The following KIRREL3 variants were observed in gnomAD, a reference collection of about 807,000 sequenced individuals.
KIRREL3 encodes kin of IRRE-like protein 3.
Under a neutral mutation model 89.7 loss-of-function variants are expected in KIRREL3, and 36 were observed. That is an observed-to-expected ratio of 0.40 (90% CI 0.31 to 0.53). The LOEUF (loss-of-function observed/expected upper bound fraction) is 0.53. KIRREL3 is among the 20% of genes least tolerant of loss of function. KIRREL3 has a pLI of 0.49. For synonymous variants in KIRREL3, 445 were observed against 441.4 expected (o/e 1.01, Z -0.10); for missense variants, 864 against 1,056.6 (o/e 0.82, Z 2.53).
At chr11:126,518,575 C>T (rs1394683295) in intron 4 of KIRREL3, among the ~76,000 whole-genome samples, 1 of 152,270 alleles carries the variant, frequency 6.6e-6, no homozygotes, top group Non-Finnish European at 1.5e-5. Flanking sequence ...ATTCCTGGAA[C>T]ACAGGGAAGG....
In KIRREL3 at chr11:126,703,915, C is replaced by G. The variant is rs1591989368; in HGVS notation, c.56-141003G>C. Among the ~76,000 whole-genome samples, 2 of 148,944 alleles carry G rather than the reference C, an allele frequency of 1.3e-5. No homozygotes were observed. The highest frequency in any genetic ancestry group is 2.2e-4 in the South Asian group (1 of 4,524). ...CGGTTATGCTGGGGACATCTACATA[C>G]CTTGCATTCCTCCCCTTTCACAGAA... is the stretch of plus-strand genomic sequence containing the variant. On this transcript the variant is annotated intron_variant, in intron 1 of 16. Coordinates refer to ENST00000525144, the MANE Select transcript of KIRREL3 (RefSeq NM_032531.4). The surrounding 1 kb of genome is among the most constrained non-coding windows in gnomAD (Gnocchi z 4.6).
At chr11:126,546,758 T>A (rs1407823204) in intron 2 of KIRREL3, among the ~76,000 whole-genome samples, 2 of 152,210 alleles carry the variant, frequency 1.3e-5, no homozygotes, top group Non-Finnish European at 2.9e-5. Flanking sequence ...TCTCTGATAA[T>A]AAAGCCTTGC....
At chr11:126,681,752 T>G in intron 1 of KIRREL3, 1 of 373,280 alleles carries the variant, frequency 2.7e-6, no homozygotes, top group Non-Finnish European at 5.3e-6. Flanking sequence ...TCTCTTAGTG[T>G]TAACTCCACT....
At chr11:126,543,177 A>G (rs141868632) in intron 2 of KIRREL3, among the ~76,000 whole-genome samples, 1 of 152,312 alleles carries the variant, frequency 6.6e-6, no homozygotes, top group African/African-American at 2.4e-5. Context: ...TCAATCAAAG[A>G]GAACGAAGCA....
Position 126,520,355 on chromosome 11 carries a change from T to G in KIRREL3, c.433+960A>C, listed in dbSNP as rs1892930. On this transcript the variant is annotated intron_variant, in intron 4 of 16. Transcript: ENST00000525144. The surrounding 1 kb of genome is among the most constrained non-coding windows in gnomAD (Gnocchi z 4.9). ...TAAGGGGGCAGCGAGGTGGGGCAGGTAGCCCTGGAGCCCTGGCCAGGAGCC... is the reference window on the plus strand; with the variant it reads ...TAAGGGGGCAGCGAGGTGGGGCAGGGAGCCCTGGAGCCCTGGCCAGGAGCC... Among the ~76,000 whole-genome samples, 41,285 of 152,058 alleles carry G rather than the reference T, an allele frequency of 0.27. 6,715 individuals carry two copies. The highest frequency in any genetic ancestry group is 0.45 in the African/African-American group (18,519 of 41,458).
chr11:126,923,098 T>TCTTCTCCTTCTC lies in KIRREL3; in HGVS notation c.55+77345_55+77356dup, dbSNP rs201230668. ...CTTGCCTTGTGGATCTTCTTCTTCT[T>TCTTCTCCTTCTC]CTTCTCCTTCTCCTTCTCCTTCTCC... On this transcript the variant is annotated intron_variant, in intron 1 of 16. Transcript: ENST00000525144. Among the ~76,000 whole-genome samples, 391 of 89,124 alleles carry TCTTCTCCTTCTC rather than the reference T, an allele frequency of 4.4e-3. 49 individuals are homozygous for TCTTCTCCTTCTC. Among genetic ancestry groups the TCTTCTCCTTCTC allele is most frequent in the Non-Finnish European group, 6.1e-3 (263 of 43,048 alleles). The allele number at this position is 89,124 out of a possible 152,430, so 58.5% of individuals were successfully genotyped here. A position where few individuals can be genotyped will look rare whatever the true frequency, so the allele number is the denominator to read the frequency against.
chr11:126,603,930 A>G (rs1942774883), intron 1 of KIRREL3, among the ~76,000 whole-genome samples: 1 of 152,278 alleles, frequency 6.6e-6, no homozygotes, highest in Non-Finnish European at 1.5e-5. Context: ...GGAGATCAAC[A>G]TCATGGTCCC....
In KIRREL3 at chr11:126,795,804, C is replaced by A. The variant is rs1161459946; in HGVS notation, c.55+204651G>T. Among the ~76,000 whole-genome samples, 2 of 152,116 alleles carry A rather than the reference C, an allele frequency of 1.3e-5. No homozygotes were observed. The highest frequency in any genetic ancestry group is 4.8e-5 in the African/African-American group (2 of 41,436). ...AGAGCCACTTCAACCACCAGTTCTT[C>A]TTCCCCCTGTGCACCCCAAGAGCGT... On this transcript the variant is annotated intron_variant, in intron 1 of 16. Transcript: ENST00000525144. This position sits in a 1 kb window ranked among gnomAD's most constrained non-coding sequence, Gnocchi z 4.1.
chr11:126,889,812 T>C (rs746197760), intron 1 of KIRREL3, among the ~76,000 whole-genome samples: 2 of 152,190 alleles, frequency 1.3e-5, no homozygotes, highest in Non-Finnish European at 2.9e-5. Flanking sequence ...TGCAGGGTGT[T>C]AGGGAAATTA....
At position 126,924,789 on chromosome 11, in the gene KIRREL3, A is replaced by T. The variant is rs1425495455; in HGVS notation, c.55+75666T>A. Among the ~76,000 whole-genome samples the T allele has an allele frequency of 6.6e-6, 1 of 152,122 alleles. No individual in the cohort carries two copies. The highest frequency in any genetic ancestry group is 2.4e-5 in the African/African-American group (1 of 41,420). On this transcript the variant is annotated intron_variant, in intron 1 of 16. Coordinates refer to ENST00000525144, the MANE Select transcript of KIRREL3 (RefSeq NM_032531.4). The surrounding 1 kb of genome is among the most constrained non-coding windows in gnomAD (Gnocchi z 4.7). ...CCTGCTGTGTGCTCATCCCTGCCCC[A>T]TCAACACCCTCACCTCAACCCTCCT...
Position 126,946,430 on chromosome 11 carries a change from A to G in KIRREL3, c.55+54025T>C, listed in dbSNP as rs1192443462. ...TGGCCTCAGCTTCTTCATTAATAAAATGCTATTAGACTTTATTTACACACA... is the reference window on the plus strand; with the variant it reads ...TGGCCTCAGCTTCTTCATTAATAAAGTGCTATTAGACTTTATTTACACACA... On this transcript the variant is annotated intron_variant, in intron 1 of 16. Coordinates refer to ENST00000525144, the MANE Select transcript of KIRREL3 (RefSeq NM_032531.4). This position sits in a 1 kb window ranked among gnomAD's most constrained non-coding sequence, Gnocchi z 4.1. Among the ~76,000 whole-genome samples the G allele has an allele frequency of 2.6e-5, 4 of 152,354 alleles. No individual in the cohort carries two copies. The highest frequency in any genetic ancestry group is 4.4e-5 in the Non-Finnish European group (3 of 68,038).
At position 126,766,657 on chromosome 11, in the gene KIRREL3, G is replaced by T. The variant is rs377305269; in HGVS notation, c.56-203745C>A. Among the ~76,000 whole-genome samples the T allele has an allele frequency of 5.9e-5, 9 of 152,142 alleles. No individual in the cohort carries two copies. Among genetic ancestry groups the T allele is most frequent in the African/African-American group, 1.9e-4 (8 of 41,424 alleles). On this transcript the variant is annotated intron_variant, in intron 1 of 16. Transcript: ENST00000525144. This position sits in a 1 kb window ranked among gnomAD's most constrained non-coding sequence, Gnocchi z 4.2. Reference sequence around the variant, plus strand: ...TCCTCAAATGGGGAGTGTACACACGGAAGTTCTTTTCTGGGGCTTTGATAA... The same window carrying T: ...TCCTCAAATGGGGAGTGTACACACGTAAGTTCTTTTCTGGGGCTTTGATAA...
intron 2 of KIRREL3, among the ~76,000 whole-genome samples, chr11:126,547,239 T>C (rs1460241808): frequency 1.3e-5 from 2 of 152,072 alleles, no homozygotes; most frequent in African/African-American, 4.8e-5. Context: ...GCAGGAAAAA[T>C]GTTTTGTGGT....
rs1957060592 is a variant in KIRREL3, at chr11:126,476,268, G to C, written c.434-2802C>G. 6.6e-6 allele frequency among the ~76,000 whole-genome samples: 1 copy of C among 152,214 alleles called. No homozygotes were observed. Among genetic ancestry groups the C allele is most frequent in the Non-Finnish European group, 1.5e-5 (1 of 68,048 alleles). On this transcript the variant is annotated intron_variant, in intron 4 of 16. Transcript: ENST00000525144. The surrounding 1 kb of genome is among the most constrained non-coding windows in gnomAD (Gnocchi z 6.4). Reference sequence around the variant, plus strand: ...TCTCTGGAGGGGACCCCAGGCATCAGGACTTTGGGGAGCTCCCCAGGGGGT... The same window carrying C: ...TCTCTGGAGGGGACCCCAGGCATCACGACTTTGGGGAGCTCCCCAGGGGGT...
Position 126,666,154 on chromosome 11 carries a change from T to C in KIRREL3, c.56-103242A>G, listed in dbSNP as rs1945653818. ...AAGTTGAGGAACCATTAAGCATTAA[T>C]AAATAAGTGCAGCAGGATCTTGGTT... is the stretch of plus-strand genomic sequence containing the variant. On this transcript the variant is annotated intron_variant, in intron 1 of 16. Transcript: ENST00000525144. This position sits in a 1 kb window ranked among gnomAD's most constrained non-coding sequence, Gnocchi z 4.2. 6.6e-6 allele frequency among the ~76,000 whole-genome samples: 1 copy of C among 152,252 alleles called. No individual in the cohort carries two copies. The highest frequency in any genetic ancestry group is 1.5e-5 in the Non-Finnish European group (1 of 68,046).
At chr11:126,972,564 C>T (rs779074155) in intron 1 of KIRREL3, among the ~76,000 whole-genome samples, 2 of 152,202 alleles carry the variant, frequency 1.3e-5, no homozygotes. Context: ...AACACAGTCA[C>T]GTTACTGAAG....
chr11:126,456,503 G>T, intron 6 of KIRREL3, 49 bp from the exon 7 acceptor site: 1 of 1,220,244 alleles, frequency 8.2e-7, no homozygotes, highest in Non-Finnish European at 1.2e-6. Flanking sequence ...AATGGGGGCA[G>T]GGAGATCCTG....
At chr11:126,956,540 A>C (rs1948927103) in intron 1 of KIRREL3, among the ~76,000 whole-genome samples, 1 of 152,212 alleles carries the variant, frequency 6.6e-6, no homozygotes, top group Non-Finnish European at 1.5e-5. Flanking sequence ...TTTTCTTTAG[A>C]AATATCCACA....
chr11:126,972,633 C>T (rs1341415161), intron 1 of KIRREL3, among the ~76,000 whole-genome samples: 1 of 152,180 alleles, frequency 6.6e-6, no homozygotes, highest in Non-Finnish European at 1.5e-5. Flanking sequence ...AGCCTGGCTC[C>T]TCAGCTCTTC....
Sources: allele counts gnomAD v4.1 joint callset (sites outside exome capture counted in the v4.1 genomes callset), GRCh38; gene constraint gnomAD v4.1.1; non-coding constraint Gnocchi (gnomAD v3.1); transcripts MANE v1.5; gene names NCBI Gene and HGNC (gene_info 2026-07-23, HGNC 2026-07-21).